Variants in WWP2 observed in about 807,000 individuals in gnomAD.
WWP2 encodes the protein WW domain containing E3 ubiquitin protein ligase 2, also known as NEDD4-like E3 ubiquitin-protein ligase WWP2.
In WWP2, 57 loss-of-function variants were observed where a neutral mutation model predicts 121.0. That is an observed-to-expected ratio of 0.47 (90% CI 0.38 to 0.59). The LOEUF (loss-of-function observed/expected upper bound fraction) is 0.59. Ranked by LOEUF, WWP2 falls within the 20% of genes least tolerant of loss-of-function variation. The probability of loss-of-function intolerance (pLI) is 0.00; values close to 1 mark genes in which losing one functional copy is unlikely to be tolerated. For missense variants in WWP2, 962 were observed against 1,158.9 expected, an observed-to-expected ratio of 0.83 and a Z score of 2.47; for synonymous variants, 449 against 441.3, an observed-to-expected ratio of 1.02 and a Z score of -0.22.
chr16:69,822,584 A>G (rs939758988), intron 4 of WWP2, among the ~76,000 whole-genome samples: 8 of 151,898 alleles, frequency 5.3e-5, no homozygotes, highest in African/African-American at 1.9e-4. Context: ...TGTGTTTATC[A>G]AGGAAGGCTT....
chr16:69,927,957 C>T (rs2058663516), intron 11 of WWP2, among the ~76,000 whole-genome samples: 1 of 152,226 alleles, frequency 6.6e-6, no homozygotes, highest in Admixed American at 6.5e-5. Flanking sequence ...CCACCGTGCC[C>T]AGCCTGTCTT....
intron 4 of WWP2, among the ~76,000 whole-genome samples, chr16:69,801,418 T>C (rs1320273206): frequency 6.6e-6 from 1 of 151,772 alleles, no homozygotes; most frequent in Non-Finnish European, 1.5e-5. Flanking sequence ...ATATTTTTAG[T>C]AGAGAGTAGG....
At chr16:69,908,125 G>A (rs1226511100) in intron 8 of WWP2, among the ~76,000 whole-genome samples, 1 of 152,158 alleles carries the variant, frequency 6.6e-6, no homozygotes, top group East Asian at 1.9e-4. Flanking sequence ...TGTGCCTGTA[G>A]TCCCAGCTAC....
In WWP2 at chr16:69,935,002, C is replaced by T. The variant is rs936848222; in HGVS notation, c.1843-851C>T. 6.6e-6 allele frequency among the ~76,000 whole-genome samples: 1 copy of T among 152,030 alleles called. No individual in the cohort carries two copies. Among genetic ancestry groups the T allele is most frequent in the African/African-American group, 2.4e-5 (1 of 41,374 alleles). On this transcript the variant is annotated intron_variant, in intron 17 of 23. Coordinates refer to ENST00000359154, the MANE Select transcript of WWP2 (RefSeq NM_001270454.2). The surrounding 1 kb of genome is among the most constrained non-coding windows in gnomAD (Gnocchi z 5.2). ...GTTCTGGGGAGGGGCGTCCCAGCGTCTGTATTTAACTGGAAAGAGGGACAC... is the reference window on the plus strand; with the variant it reads ...GTTCTGGGGAGGGGCGTCCCAGCGTTTGTATTTAACTGGAAAGAGGGACAC...
intron 1 of WWP2, among the ~76,000 whole-genome samples, chr16:69,764,221 A>G (rs553978419): frequency 1.3e-5 from 2 of 152,284 alleles, no homozygotes; most frequent in Non-Finnish European, 2.9e-5. Context: ...TTATTTTGAG[A>G]CAGGATCTTA....
At chr16:69,803,091 A>G (rs1597693955) in intron 4 of WWP2, among the ~76,000 whole-genome samples, 1 of 152,006 alleles carries the variant, frequency 6.6e-6, no homozygotes, top group African/African-American at 2.4e-5. Flanking sequence ...TACTTGTAAA[A>G]AAAAAAAGCC....
chr16:69,866,799 CGTAT>C (rs1362603180), intron 6 of WWP2, among the ~76,000 whole-genome samples: 39 of 143,754 alleles, frequency 2.7e-4, no homozygotes, highest in African/African-American at 5.5e-4. Flanking sequence ...CTTTCAGTTC[CGTAT>C]TTATTTATTT....
chr16:69,779,453 A>G (rs79815530), intron 1 of WWP2, among the ~76,000 whole-genome samples: 1,789 of 152,340 alleles, frequency 0.012, 27 homozygotes, highest in African/African-American at 0.038. Context: ...GTGATGTTTT[A>G]TCTACCCTGT....
In WWP2 at chr16:69,841,909, G is replaced by A. The variant is rs562853906; in HGVS notation, c.479-115G>A. Reference sequence around the variant, plus strand: ...GCAGCTTGCCGGATGTCCATATCCCGTGGTGGTGGGCAACTCTAACACACA... The same window carrying A: ...GCAGCTTGCCGGATGTCCATATCCCATGGTGGTGGGCAACTCTAACACACA... On this transcript the variant is annotated intron_variant, in intron 5 of 23. Coordinates refer to ENST00000359154, the MANE Select transcript of WWP2 (RefSeq NM_001270454.2). 88 of 974,548 alleles carry A rather than the reference G, an allele frequency of 9.0e-5. 1 individual carries two copies. The African/African-American group carries it at 1.3e-3, about 14-fold the overall frequency. 60.4% of individuals were successfully genotyped at this position (974,548 alleles called of 1,614,324 possible). A position where few individuals can be genotyped will look rare whatever the true frequency, so the allele number is the denominator to read the frequency against.
In WWP2 at chr16:69,937,440, A is replaced by G. The variant is rs912841440; in HGVS notation, c.2239-108A>G. 7.2e-7 allele frequency: 1 copy of G among 1,390,082 alleles called. No homozygotes were observed. The highest frequency in any genetic ancestry group is 1.0e-6 in the Non-Finnish European group (1 of 1,000,612). 86.1% of individuals were successfully genotyped at this position (1,390,082 alleles called of 1,614,324 possible). ...TACATTACCCATATTATTAACGCTG[A>G]CACCAAAAATAGCTAGTTGAATATG... On this transcript the variant is annotated intron_variant, in intron 20 of 23. Coordinates refer to ENST00000359154, the MANE Select transcript of WWP2 (RefSeq NM_001270454.2). This position sits in a 1 kb window ranked among gnomAD's most constrained non-coding sequence, Gnocchi z 6.6.
At chr16:69,826,723 CAAAAA>C (rs201663365) in intron 4 of WWP2, among the ~76,000 whole-genome samples, 2 of 136,372 alleles carry the variant, frequency 1.5e-5, no homozygotes, top group Non-Finnish European at 1.6e-5. Flanking sequence ...AATAAAAATA[CAAAAA>C]AAAAAAAAAA....
chr16:69,856,569 G>A (rs1343655340), intron 6 of WWP2, among the ~76,000 whole-genome samples: 1 of 152,172 alleles, frequency 6.6e-6, no homozygotes, highest in African/African-American at 2.4e-5. Flanking sequence ...GAGGTCGGGA[G>A]ATCGAGACCA....
intron 4 of WWP2, among the ~76,000 whole-genome samples, chr16:69,815,105 C>A (rs908211157): frequency 1.3e-5 from 2 of 151,964 alleles, no homozygotes; most frequent in Non-Finnish European, 2.9e-5. Flanking sequence ...TGGGTTCAAG[C>A]GATTCTCCTG....
At chr16:69,929,551 G>A in intron 12 of WWP2, 22 bp downstream of exon 12, 1 of 1,611,800 alleles carries the variant, frequency 6.2e-7, no homozygotes, top group Non-Finnish European at 8.5e-7. Flanking sequence ...GGCTGAGAGG[G>A]GGGCCGGGCT....
chr16:69,922,678 T>C (rs568103510), intron 10 of WWP2, among the ~76,000 whole-genome samples: 1 of 152,368 alleles, frequency 6.6e-6, no homozygotes, highest in East Asian at 1.9e-4. Flanking sequence ...CTTTTGGTTT[T>C]CTGGCCATGA....
intron 6 of WWP2, among the ~76,000 whole-genome samples, chr16:69,858,714 C>G (rs1255741591): frequency 6.6e-6 from 1 of 152,184 alleles, no homozygotes; most frequent in Non-Finnish European, 1.5e-5. Context: ...AGAATTGACA[C>G]ATAAATAAGT....
At chr16:69,789,260 C>T (rs932047651) in intron 2 of WWP2, among the ~76,000 whole-genome samples, 12 of 151,928 alleles carry the variant, frequency 7.9e-5, no homozygotes, top group African/African-American at 2.7e-4. Context: ...GATGGAGTCT[C>T]GCTCTGTTGC....
chr16:69,816,043 A>T (rs2056483434), intron 4 of WWP2, among the ~76,000 whole-genome samples: 2 of 152,148 alleles, frequency 1.3e-5, no homozygotes, highest in Non-Finnish European at 2.9e-5. Context: ...GGACAAAAGT[A>T]AAAGACAGCT....
intron 7 of WWP2, among the ~76,000 whole-genome samples, chr16:69,878,390 A>C (rs764995911): frequency 4.6e-5 from 7 of 152,242 alleles, no homozygotes; most frequent in Non-Finnish European, 8.8e-5. Flanking sequence ...GCAACTCAAC[A>C]AAACAAGGTA....
Sources: allele counts gnomAD v4.1 joint callset (sites outside exome capture counted in the v4.1 genomes callset), GRCh38; gene constraint gnomAD v4.1.1; non-coding constraint Gnocchi (gnomAD v3.1); transcripts MANE v1.5; gene names NCBI Gene and HGNC (gene_info 2026-07-23, HGNC 2026-07-21).